The following VPS13A variants were observed in gnomAD, a reference collection of about 807,000 sequenced individuals.
VPS13A encodes the protein intermembrane lipid transfer protein VPS13A.
Under a neutral mutation model 390.9 loss-of-function variants are expected in VPS13A, and 264 were observed. That is an observed-to-expected ratio of 0.68 (90% CI 0.61 to 0.75). The LOEUF is 0.75. Among genes scored for constraint, VPS13A ranks in the 30% least tolerant of loss-of-function variants. VPS13A has a pLI of 0.00. For missense variants in VPS13A, 3,409 were observed against 3,733.9 expected (o/e 0.91, Z 2.27); for synonymous variants, 1,231 against 1,227.1 (o/e 1.00, Z -0.07).
At chr9:77,357,897 A>G (rs1249808532) in intron 56 of VPS13A, 59 bp downstream of exon 56, 1 of 1,496,492 alleles carries the variant, frequency 6.7e-7, no homozygotes, top group Non-Finnish European at 9.3e-7. Flanking sequence ...ATAAGAAACC[A>G]GATCTATTCC....
At chr9:77,324,241 ACTTTTT>A (rs1038967124) in intron 45 of VPS13A, among the ~76,000 whole-genome samples, 15 of 144,782 alleles carry the variant, frequency 1.0e-4, no homozygotes, top group South Asian at 6.3e-4. Flanking sequence ...AGACATTTTT[ACTTTTT>A]CTTTTTCAAT....
At chr9:77,274,988 A>G (rs1311784646) in intron 24 of VPS13A, among the ~76,000 whole-genome samples, 1 of 152,160 alleles carries the variant, frequency 6.6e-6, no homozygotes, top group African/African-American at 2.4e-5. Flanking sequence ...ATCAACGTAT[A>G]TGTACATATA....
At chr9:77,317,847 ATAT>A (rs1829494449) in intron 40 of VPS13A, 149 bp downstream of exon 40, 1 of 525,424 alleles carries the variant, frequency 1.9e-6, no homozygotes, top group South Asian at 3.2e-5. Flanking sequence ...TTACAAAGTA[ATAT>A]TATTTAATAC....
At chr9:77,210,784 G>T in intron 7 of VPS13A, 109 bp downstream of exon 7, 3 of 1,083,738 alleles carry the variant, frequency 2.8e-6, no homozygotes, top group Non-Finnish European at 4.2e-6. Context: ...ATGTAGAACG[G>T]GTGCACAAAG....
At chr9:77,367,400 G>A (rs775559379) in intron 61 of VPS13A, among the ~76,000 whole-genome samples, 23 of 152,184 alleles carry the variant, frequency 1.5e-4, no homozygotes, top group Non-Finnish European at 2.4e-4. Context: ...ACCCTTTCAA[G>A]TAGCATCTAG....
rs1463666598 is a variant in VPS13A, at chr9:77,213,033, A to G, written c.615+5A>G. The stretch of plus-strand genomic sequence containing the variant: ...ACTGAGAAACTGGTTCGTAAGGTAA[A>G]TAAATACTGTGTTTGTCAACTCATG... On this transcript the variant is annotated splice_donor_5th_base_variant and intron_variant, in intron 8 of 71. Coordinates refer to ENST00000360280, the MANE Select transcript of VPS13A (RefSeq NM_033305.3). 3 of 1,613,872 alleles carry G rather than the reference A, an allele frequency of 1.9e-6. No individual in the cohort carries two copies. Among genetic ancestry groups the G allele is most frequent in the Non-Finnish European group, 2.5e-6 (3 of 1,179,906 alleles).
rs57841628 is a variant in VPS13A, at chr9:77,341,691, C to CTTTTTTTTTTTTTTTTTT, written c.7026+1153_7026+1170dup. Among the ~76,000 whole-genome samples, 61 of 37,840 alleles carry CTTTTTTTTTTTTTTTTTT rather than the reference C, an allele frequency of 1.6e-3. 17 individuals are homozygous for CTTTTTTTTTTTTTTTTTT. Among genetic ancestry groups the CTTTTTTTTTTTTTTTTTT allele is most frequent in the African/African-American group, 2.1e-3 (20 of 9,306 alleles). The allele number at this position is 37,840 out of a possible 152,430, so 24.8% of individuals were successfully genotyped here. On this transcript the variant is annotated intron_variant, in intron 50 of 71. Coordinates refer to ENST00000360280, the MANE Select transcript of VPS13A (RefSeq NM_033305.3). ...AGTAAGTTCTACATGGACATCTTTC[C>CTTTTTTTTTTTTTTTTTT]TTTTTTTTTTTTTTTTTTTTTTTTT...
At chr9:77,382,614 T>C in intron 68 of VPS13A, 1 of 1,039,344 alleles carries the variant, frequency 9.6e-7, no homozygotes, top group Non-Finnish European at 1.2e-6. Context: ...ATAATCCTTA[T>C]ATCCAATTAC....
intron 68 of VPS13A, among the ~76,000 whole-genome samples, chr9:77,394,763 G>A (rs561726753): frequency 6.6e-6 from 1 of 152,304 alleles, no homozygotes; most frequent in South Asian, 2.1e-4. Flanking sequence ...TGTAGCTTCT[G>A]CATCAGCACT....
At chr9:77,411,744 AAGATC>A (rs1834942640) in intron 71 of VPS13A, among the ~76,000 whole-genome samples, 1 of 151,788 alleles carries the variant, frequency 6.6e-6, no homozygotes, top group East Asian at 1.9e-4. Flanking sequence ...AGAAATGACT[AAGATC>A]AGAGCAGAAC....
At chr9:77,406,813 G>A (rs1423595983) in intron 70 of VPS13A, among the ~76,000 whole-genome samples, 1 of 151,780 alleles carries the variant, frequency 6.6e-6, no homozygotes, top group Non-Finnish European at 1.5e-5. Context: ...TGTTTGACTA[G>A]TAAAACCTTT....
chr9:77,202,444 G>A (rs59284472), intron 3 of VPS13A, among the ~76,000 whole-genome samples: 31,567 of 151,776 alleles, frequency 0.21, 3,508 homozygotes, highest in African/African-American at 0.26. Context: ...TTTCATTAGC[G>A]TATAAAAAGG....
intron 45 of VPS13A, among the ~76,000 whole-genome samples, chr9:77,330,944 C>T (rs1385019361): frequency 6.6e-6 from 1 of 151,998 alleles, no homozygotes; most frequent in African/African-American, 2.4e-5. Context: ...AAAATATATA[C>T]TTGTGTTTTT....
At chr9:77,338,971 A>T (rs1231803278) in intron 47 of VPS13A, 1 of 161,674 alleles carries the variant, frequency 6.2e-6, no homozygotes, top group Admixed American at 6.1e-5. Context: ...GACGTCATAT[A>T]GTGACATGAA....
chr9:77,197,398 C>T (rs750601508), intron 1 of VPS13A, among the ~76,000 whole-genome samples: 1 of 152,182 alleles, frequency 6.6e-6, no homozygotes, highest in Admixed American at 6.6e-5. Flanking sequence ...CTGTTTCTCT[C>T]CTCAATTCTG....
At position 77,405,862 on chromosome 9, in the gene VPS13A, A is replaced by T; in HGVS notation, c.9276-2A>T. 1.2e-6 allele frequency: 2 copies of T among 1,613,190 alleles called. No individual in the cohort carries two copies. The highest frequency in any genetic ancestry group is 1.1e-5 in the South Asian group (1 of 91,070). On this transcript the variant is annotated splice_acceptor_variant, in intron 69 of 71. Coordinates refer to ENST00000360280, the MANE Select transcript of VPS13A (RefSeq NM_033305.3). LOFTEE classifies it high-confidence loss of function. ...ATTCTTTTTTTGTTTTTCTTTTTGC[A>T]GTGGTGTATTGTTTGTAACAAAGGG...
At chr9:77,245,522 C>T (rs952721817) in intron 19 of VPS13A, among the ~76,000 whole-genome samples, 13 of 152,168 alleles carry the variant, frequency 8.5e-5, no homozygotes, top group African/African-American at 3.1e-4. Flanking sequence ...GGATGGTCTT[C>T]AGAATTTTTG....
At chr9:77,210,095 T>A (rs2131142157) in intron 6 of VPS13A, among the ~76,000 whole-genome samples, 1 of 152,204 alleles carries the variant, frequency 6.6e-6, no homozygotes. Context: ...ATAAAATGTT[T>A]CTGAATGTTT....
chr9:77,227,520 A>G (rs1428228591), intron 16 of VPS13A, 35 bp downstream of exon 16: 16 of 1,406,036 alleles, frequency 1.1e-5, no homozygotes, highest in Non-Finnish European at 1.6e-5. Flanking sequence ...CTTAGAATAT[A>G]TTTATTTATT....
Sources: gnomAD v4.1 joint callset for allele counts (sites outside exome capture counted in the v4.1 genomes callset) on GRCh38, gnomAD v4.1.1 for gene constraint, MANE v1.5 for transcripts, NCBI Gene and HGNC (gene_info 2026-07-23, HGNC 2026-07-21) for gene names.